Variants in ASAP3 observed in about 807,000 individuals in gnomAD.
ASAP3 encodes ArfGAP with SH3 domain, ankyrin repeat and PH domain 3, also known as arf-GAP with SH3 domain, ANK repeat and PH domain-containing protein 3.
Under a neutral mutation model 118.2 loss-of-function variants are expected in ASAP3, and 85 were observed. The observed-to-expected ratio is 0.72, with a 90% CI of 0.60 to 0.86. ASAP3 has a LOEUF of 0.86. Among genes scored for constraint, ASAP3 ranks in the 40% least tolerant of loss-of-function variants. ASAP3 has a pLI of 0.00. For synonymous variants in ASAP3, 432 were observed against 477.4 expected (o/e 0.90, Z 1.24); for missense variants, 1,026 against 1,175.0 (o/e 0.87, Z 1.85).
At position 23,455,950 on chromosome 1, in the gene ASAP3, A is replaced by T. The variant is rs775536140; in HGVS notation, c.279T>A (p.His93Gln). ...AGTTTAGGAAGCCTGTGGACAGCTCATGGCTGTTCTGGGACAGGTGGCTGT... is the reference window on the plus strand; with the variant it reads ...AGTTTAGGAAGCCTGTGGACAGCTCTTGGCTGTTCTGGGACAGGTGGCTGT... ...LGNSHLSQNS[H>Q]ELSTGFLNLA... The change falls in exon 3 of 25, where the codon CAT (histidine) becomes CAA (glutamine). Residue 93 changes from histidine (H) to glutamine (Q), a missense_variant. Coordinates refer to ENST00000336689, the MANE Select transcript of ASAP3 (RefSeq NM_017707.4). 6.2e-7 allele frequency: 1 copy of T among 1,610,052 alleles called. No individual in the cohort carries two copies. Among genetic ancestry groups the T allele is most frequent in the South Asian group, 1.1e-5 (1 of 90,982 alleles).
intron 1 of ASAP3, among the ~76,000 whole-genome samples, chr1:23,458,791 T>C (rs1484303948): frequency 2.0e-5 from 3 of 152,046 alleles, no homozygotes; most frequent in Non-Finnish European, 4.4e-5. Context: ...CCAAATCCCT[T>C]GATCCCCATC....
At position 23,431,866 on chromosome 1, in the gene ASAP3, G is replaced by C; in HGVS notation, c.2376C>G (p.Ser792Arg). 6.2e-7 allele frequency: 1 copy of C among 1,603,320 alleles called. No homozygotes were observed. The highest frequency in any genetic ancestry group is 8.5e-7 in the Non-Finnish European group (1 of 1,176,958). Residue 792 changes from serine to arginine, a missense_variant, in exon 23 of 25, where the codon AGC becomes AGG. Ser to Arg is a moderately radical substitution (Grantham distance 110, BLOSUM62 -1). Transcript: ENST00000336689. Reference sequence around the variant, plus strand: ...TGGAGGAGGAGGCTGGACTGCCCAGGCTCTCAGGGGTCTCAGGGGCCTCTG... The same window carrying C: ...TGGAGGAGGAGGCTGGACTGCCCAGCCTCTCAGGGGTCTCAGGGGCCTCTG... ...LSSEAPETPE[S>R]LGSPASSSSL...
chr1:23,436,631 C>T lies in ASAP3; in HGVS notation c.1500G>A (p.Thr500=), dbSNP rs369692263. Residue 500 remains threonine (T), a synonymous_variant, in exon 16 of 25, where the codon ACG becomes ACA. Coordinates refer to ENST00000336689, the MANE Select transcript of ASAP3 (RefSeq NM_017707.4). The surrounding 1 kb of genome is among the most constrained non-coding windows in gnomAD (Gnocchi z 4.2). ...GGGCCTCCATGACCTCATTGAAGCT[C>T]GTGTTTCCCATGTTCAAGGCCAGCT... ...ELLLALNMGN[T]SFNEVMEAQL... The T allele has an allele frequency of 6.8e-6, 11 of 1,614,104 alleles. No individual in the cohort carries two copies. Among genetic ancestry groups the T allele is most frequent in the African/African-American group, 4.0e-5 (3 of 74,922 alleles).
Position 23,456,130 on chromosome 1 carries a change from G to T in ASAP3, c.194C>A (p.Ser65Tyr), listed in dbSNP as rs763627912. The T allele has an allele frequency of 1.2e-6, 2 of 1,614,172 alleles. No individual in the cohort carries two copies. The highest frequency in any genetic ancestry group is 2.2e-5 in the South Asian group (2 of 91,076). Residue 65 changes from serine (S) to tyrosine (Y), a missense_variant, in exon 2 of 25, where the codon TCC becomes TAC. Coordinates refer to ENST00000336689, the MANE Select transcript of ASAP3 (RefSeq NM_017707.4). ...CCAGGAGGCTCACTTACCAAGGCCG[G>T]AGCTATGGATTGCCCGCACAGCCTT... is the stretch of plus-strand genomic sequence containing the variant. ...IKKAVRAIHS[S>Y]GLGHVENEEQ...
At chr1:23,432,291 GCCA>G (rs1289726102) in intron 22 of ASAP3, among the ~76,000 whole-genome samples, 3 of 152,154 alleles carry the variant, frequency 2.0e-5, no homozygotes, top group East Asian at 1.9e-4. Flanking sequence ...ACAGGCACGA[GCCA>G]CCACATCTGG....
chr1:23,435,617 T>G, intron 17 of ASAP3: 5 of 585,402 alleles, frequency 8.5e-6, no homozygotes, highest in Non-Finnish European at 6.1e-6. Context: ...GATGAGGAAA[T>G]GAGACTCAGA....
intron 5 of ASAP3, among the ~76,000 whole-genome samples, chr1:23,447,443 TGCCG>T (rs1641082528): frequency 6.6e-6 from 1 of 152,234 alleles, no homozygotes; most frequent in Non-Finnish European, 1.5e-5. Flanking sequence ...TGCCAAAAAC[TGCCG>T]GAATTACTTT....
At chr1:23,431,439 CA>C (rs1558100822) in intron 23 of ASAP3, among the ~76,000 whole-genome samples, 1 of 152,228 alleles carries the variant, frequency 6.6e-6, no homozygotes, top group African/African-American at 2.4e-5. Context: ...ATAAGCCACA[CA>C]GGGGGCTAAG....
intron 1 of ASAP3, among the ~76,000 whole-genome samples, chr1:23,458,653 A>G (rs997106878): frequency 2.0e-5 from 3 of 152,178 alleles, no homozygotes; most frequent in Admixed American, 1.3e-4. Flanking sequence ...CTAAAGAGAC[A>G]AAGAGGTGGA....
intron 3 of ASAP3, among the ~76,000 whole-genome samples, chr1:23,453,345 C>T (rs1641284714): frequency 6.6e-6 from 1 of 152,122 alleles, no homozygotes; most frequent in African/African-American, 2.4e-5. Context: ...GGCACCCCAG[C>T]CCCAGGATAG....
intron 1 of ASAP3, among the ~76,000 whole-genome samples, chr1:23,472,118 T>C (rs1406417091): frequency 6.6e-6 from 1 of 152,192 alleles, no homozygotes; most frequent in African/African-American, 2.4e-5. Context: ...ATACAGGGTT[T>C]CTTTTTGGGA....
intron 1 of ASAP3, among the ~76,000 whole-genome samples, chr1:23,468,273 C>A (rs759243275): frequency 6.8e-4 from 103 of 152,362 alleles, no homozygotes; most frequent in Non-Finnish European, 8.1e-4. Context: ...CCACACTCAT[C>A]ATGAGCACTA....
chr1:23,484,185 G>A (rs1425034921), upstream of ASAP3: 2 of 1,221,438 alleles, frequency 1.6e-6, no homozygotes, highest in African/African-American at 1.6e-5. Flanking sequence ...GCACTGAGCT[G>A]CTCCGCGCTG....
chr1:23,469,452 G>A (rs1209812509), intron 1 of ASAP3, among the ~76,000 whole-genome samples: 1 of 152,132 alleles, frequency 6.6e-6, no homozygotes, highest in African/African-American at 2.4e-5. Flanking sequence ...GCAGTTACTT[G>A]GTAATTCTCA....
chr1:23,438,870 C>T lies in ASAP3; in HGVS notation c.1015-36G>A, dbSNP rs767685833. On this transcript the variant is annotated intron_variant, in intron 11 of 24. Transcript: ENST00000336689. The surrounding 1 kb of genome is among the most constrained non-coding windows in gnomAD (Gnocchi z 4.9). ...TTAGGGGCGGAGGATGTATGCATTACCTCTGGCCCTCCACATTCTTTAGGC... is the reference window on the plus strand; with the variant it reads ...TTAGGGGCGGAGGATGTATGCATTATCTCTGGCCCTCCACATTCTTTAGGC... The T allele has an allele frequency of 1.3e-6, 2 of 1,592,424 alleles. No homozygotes were observed. Among genetic ancestry groups the T allele is most frequent in the Admixed American group, 1.7e-5 (1 of 59,982 alleles).
rs774113773 is a variant in ASAP3, at chr1:23,456,032, G to A, written c.203-6C>T. ...CTCTTCATTCTCCACATGGCCTGTG[G>A]AGGTACAGACGGGAGCTTGGAGTTA... On this transcript the variant is annotated splice_polypyrimidine_tract_variant and splice_region_variant and intron_variant, in intron 2 of 24. Transcript: ENST00000336689. The A allele has an allele frequency of 1.2e-6, 2 of 1,614,142 alleles. No homozygotes were observed. The highest frequency in any genetic ancestry group is 1.7e-5 in the Admixed American group (1 of 60,020).
At position 23,429,297 on chromosome 1, in the gene ASAP3, G is replaced by A. The variant is rs1640342948; in HGVS notation, c.*559C>T. The stretch of plus-strand genomic sequence containing the variant: ...GGAATCTGACCCTGCCTATTCCCAA[G>A]CCCAACCCTTAAGACCAGCTTTCCA... On this transcript the variant is annotated 3_prime_UTR_variant, in exon 25 of 25. Coordinates refer to ENST00000336689, the MANE Select transcript of ASAP3 (RefSeq NM_017707.4). 1 of 153,004 alleles carries A rather than the reference G, an allele frequency of 6.5e-6. No homozygotes were observed. Among genetic ancestry groups the A allele is most frequent in the Non-Finnish European group, 1.5e-5 (1 of 68,680 alleles). 9.5% of individuals were successfully genotyped at this position (153,004 alleles called of 1,614,324 possible).
At chr1:23,454,204 T>A in intron 3 of ASAP3, among the ~76,000 whole-genome samples, 1 of 111,216 alleles carries the variant, frequency 9.0e-6, no homozygotes, top group African/African-American at 3.1e-5. Context: ...TTTTTTTTTT[T>A]GAGATGGAAT....
At chr1:23,475,465 T>C (rs375902351) in intron 1 of ASAP3, among the ~76,000 whole-genome samples, 42 of 152,324 alleles carry the variant, frequency 2.8e-4, no homozygotes, top group African/African-American at 1.0e-3. Flanking sequence ...TTTCTCTTGC[T>C]TGCCATAAAA....
Sources: allele counts gnomAD v4.1 joint callset (sites outside exome capture counted in the v4.1 genomes callset), GRCh38; gene constraint gnomAD v4.1.1; non-coding constraint Gnocchi (gnomAD v3.1); transcripts MANE v1.5; gene names NCBI Gene and HGNC (gene_info 2026-07-23, HGNC 2026-07-21).